ABCA1: variants seen among roughly 807,000 people sequenced by gnomAD.
The protein encoded by ABCA1 is ATP binding cassette subfamily A member 1, also known as phospholipid-transporting ATPase ABCA1.
A neutral mutation model predicts 262.5 loss-of-function variants in ABCA1; 133 were observed. The ratio of observed to expected loss-of-function variants is 0.51; its 90% CI spans 0.44 to 0.59. The LOEUF (loss-of-function observed/expected upper bound fraction) is 0.59. ABCA1 is among the 20% of genes least tolerant of loss of function. The probability of loss-of-function intolerance (pLI) is 0.00; values close to 1 mark genes in which losing one functional copy is unlikely to be tolerated. For missense variants in ABCA1, 2,452 were observed against 2,777.5 expected (o/e 0.88, Z 2.63); for synonymous variants, 1,022 against 1,043.5 (o/e 0.98, Z 0.40).
intron 8 of ABCA1, among the ~76,000 whole-genome samples, chr9:104,840,954 T>A (rs1410802346): frequency 2.0e-5 from 3 of 152,190 alleles, no homozygotes; most frequent in South Asian, 2.1e-4. Flanking sequence ...AACAGCTACA[T>A]CTCATTGTGG....
At chr9:104,918,280 T>G (rs1434349617) in intron 1 of ABCA1, among the ~76,000 whole-genome samples, 2 of 152,152 alleles carry the variant, frequency 1.3e-5, no homozygotes, top group African/African-American at 4.8e-5. Flanking sequence ...AAGTAGAAGA[T>G]GAAAACCTGT....
chr9:104,846,515 C>A (rs1477954839), intron 7 of ABCA1, among the ~76,000 whole-genome samples: 1 of 152,198 alleles, frequency 6.6e-6, no homozygotes, highest in Admixed American at 6.5e-5. Flanking sequence ...GTAGACTACA[C>A]AAGAAAATGT....
chr9:104,796,145 T>C lies in ABCA1; in HGVS notation c.5290A>G (p.Ser1764Gly). The stretch of plus-strand genomic sequence containing the variant: ...CTGGTGAGCACCACATAGGCTGTGC[T>C]GGGGATCTTGAACACAAAGGAGGCT... ...YPASFVFKIPSTAYVVLTSVN... is the reference protein window; with the variant it reads ...YPASFVFKIPGTAYVVLTSVN... Residue 1764 changes from serine (S) to glycine (G), a missense_variant, in exon 39 of 50, where the codon AGC (serine) becomes GGC (glycine). By Grantham distance (56) the Ser-to-Gly change is moderately conservative. This residue lies in a region of ABCA1 where 752 missense variants were observed against 944.5 expected (regional missense o/e 0.80). Coordinates refer to ENST00000374736, the MANE Select transcript of ABCA1 (RefSeq NM_005502.4). The C allele has an allele frequency of 6.2e-7, 1 of 1,614,068 alleles. No homozygotes were observed. The highest frequency in any genetic ancestry group is 8.5e-7 in the Non-Finnish European group (1 of 1,180,042).
At chr9:104,861,821 A>C (rs1836417313) in intron 5 of ABCA1, 21 bp from the exon 6 acceptor site, 1 of 1,593,126 alleles carries the variant, frequency 6.3e-7, no homozygotes, top group Non-Finnish European at 8.5e-7. Context: ...ATAGTGTTTT[A>C]TTTTTATTTA....
Position 104,831,116 on chromosome 9 carries a change from C to G in ABCA1, c.1716-15G>C. ...GGTCCCAGTACCTAAAACCAAACCACAGGTAATCAACCATTCCTTTAGAAC... is the reference window on the plus strand; with the variant it reads ...GGTCCCAGTACCTAAAACCAAACCAGAGGTAATCAACCATTCCTTTAGAAC... On this transcript the variant is annotated splice_polypyrimidine_tract_variant and intron_variant, in intron 13 of 49. Transcript: ENST00000374736. 3 of 1,576,484 alleles carry G rather than the reference C, an allele frequency of 1.9e-6. No homozygotes were observed. The highest frequency in any genetic ancestry group is 2.6e-6 in the Non-Finnish European group (3 of 1,159,536).
rs750950091 is a variant in ABCA1, at chr9:104,818,883, C to T, written c.3242G>A (p.Gly1081Asp). 2 of 1,611,524 alleles carry T rather than the reference C, an allele frequency of 1.2e-6. No individual in the cohort carries two copies. Among genetic ancestry groups the T allele is most frequent in the Non-Finnish European group, 1.7e-6 (2 of 1,179,010 alleles). ...IWELLLKYRQ[G>D]RTIILSTHHM... Reference sequence around the variant, plus strand: ...GTGTGTAGAGAGAATAATGGTGCGGCCTGCCAGGCACAAACACAAGGATGT... The same window carrying T: ...GTGTGTAGAGAGAATAATGGTGCGGTCTGCCAGGCACAAACACAAGGATGT... The change falls in exon 23 of 50, where the codon GGC becomes GAC. Residue 1081 changes from glycine to aspartate, a missense_variant and splice_region_variant. Physicochemically the swap from Gly to Asp is moderately conservative, Grantham distance 94. Transcript: ENST00000374736.
At chr9:104,809,620 A>G in intron 29 of ABCA1, 56 bp from the exon 30 acceptor site, 1 of 1,449,226 alleles carries the variant, frequency 6.9e-7, no homozygotes, top group Non-Finnish European at 9.7e-7. Flanking sequence ...AGTAATCGAG[A>G]GATAAAAATG....
chr9:104,844,039 A>C (rs1301067155), intron 8 of ABCA1, among the ~76,000 whole-genome samples: 1 of 151,842 alleles, frequency 6.6e-6, no homozygotes, highest in East Asian at 1.9e-4. Context: ...AAAAAAAAAA[A>C]AACCAGGGCC....
intron 31 of ABCA1, among the ~76,000 whole-genome samples, 193 bp from the exon 32 acceptor site, chr9:104,804,913 A>G (rs1830636943): frequency 6.6e-6 from 1 of 152,176 alleles, no homozygotes. Context: ...CACTTACACC[A>G]AGCCAAGGTC....
chr9:104,913,016 A>G (rs986492798), intron 1 of ABCA1, among the ~76,000 whole-genome samples: 1 of 152,204 alleles, frequency 6.6e-6, no homozygotes, highest in Non-Finnish European at 1.5e-5. Flanking sequence ...TTCCAAGAGA[A>G]TTTTGGGATA....
intron 40 of ABCA1, among the ~76,000 whole-genome samples, chr9:104,793,890 G>C (rs1442697826): frequency 3.3e-5 from 5 of 152,044 alleles, no homozygotes; most frequent in African/African-American, 4.8e-5. Flanking sequence ...ATAATCATAT[G>C]GCTACCGGAG....
intron 4 of ABCA1, 38 bp downstream of exon 4, chr9:104,884,389 C>T (rs1018381499): frequency 5.0e-6 from 8 of 1,613,668 alleles, no homozygotes; most frequent in Non-Finnish European, 6.8e-6. Context: ...AAAGGATTAA[C>T]TGACAAGTTT....
chr9:104,854,977 T>G (rs1192038653), intron 7 of ABCA1, among the ~76,000 whole-genome samples: 1 of 152,204 alleles, frequency 6.6e-6, no homozygotes, highest in Non-Finnish European at 1.5e-5. Flanking sequence ...GAACACCTAA[T>G]GGAAACTGCT....
At chr9:104,802,878 A>G (rs1830459901) in intron 33 of ABCA1, among the ~76,000 whole-genome samples, 1 of 152,198 alleles carries the variant, frequency 6.6e-6, no homozygotes, top group African/African-American at 2.4e-5. Flanking sequence ...AAATGCCTAG[A>G]AATTGTCCTT....
intron 33 of ABCA1, among the ~76,000 whole-genome samples, chr9:104,803,018 A>G (rs752256327): frequency 1.3e-5 from 2 of 152,178 alleles, no homozygotes; most frequent in African/African-American, 4.8e-5. Context: ...GGAAATCAGT[A>G]TATCAAATAT....
chr9:104,857,704 C>T (rs1254393201), intron 7 of ABCA1, among the ~76,000 whole-genome samples: 1 of 152,126 alleles, frequency 6.6e-6, no homozygotes, highest in Non-Finnish European at 1.5e-5. Context: ...AAGAGTATTA[C>T]AATTTCATTT....
chr9:104,807,830 T>C (rs1189311803), intron 30 of ABCA1, among the ~76,000 whole-genome samples: 1 of 106,972 alleles, frequency 9.3e-6, no homozygotes, highest in South Asian at 3.1e-4. Context: ...AATAAATAAA[T>C]AAAATATATA....
chr9:104,916,756 T>C (rs1216468446), intron 1 of ABCA1, among the ~76,000 whole-genome samples: 1 of 152,204 alleles, frequency 6.6e-6, no homozygotes, highest in East Asian at 1.9e-4. Flanking sequence ...CTGGGCTCAC[T>C]GCAACTTCAG....
Position 104,785,498 on chromosome 9 carries a change from T to C in ABCA1, c.6543A>G (p.Pro2181=), listed in dbSNP as rs775323801. The change falls in exon 49 of 50, where the codon CCA becomes CCG. Residue 2181 remains proline (P), a synonymous_variant. Transcript: ENST00000374736. ...KHRNMLQYQL[P]SSLSSLARIF... ...TCCTGGCCAGAGAAGATAATGAAGA[T>C]GGAAGCTGGTATTGTAGCATGTTCC... is the stretch of plus-strand genomic sequence containing the variant. 2.5e-6 allele frequency: 4 copies of C among 1,612,138 alleles called. No homozygotes were observed. The highest frequency in any genetic ancestry group is 3.3e-5 in the Admixed American group (2 of 59,920).
Sources: allele counts gnomAD v4.1 joint callset (sites outside exome capture counted in the v4.1 genomes callset), GRCh38; gene constraint gnomAD v4.1.1; regional missense constraint gnomAD v4.1.1; transcripts MANE v1.5; gene names NCBI Gene and HGNC (gene_info 2026-07-23, HGNC 2026-07-21).